PARD3: variants seen among roughly 807,000 people sequenced by gnomAD.
PARD3 encodes the protein partitioning defective 3 homolog.
Under a neutral mutation model 155.4 loss-of-function variants are expected in PARD3, and 75 were observed. The observed-to-expected ratio is 0.48, with a 90% CI of 0.40 to 0.58. The LOEUF is 0.58. Ranked by LOEUF, PARD3 falls within the 20% of genes least tolerant of loss-of-function variation. The pLI is 0.00. For missense variants in PARD3, 1,642 were observed against 1,721.7 expected (o/e 0.95, Z 0.82); for synonymous variants, 576 against 610.5 (o/e 0.94, Z 0.83).
intron 15 of PARD3, chr10:34,346,557 A>T: frequency 8.2e-7 from 1 of 1,220,552 alleles, no homozygotes; most frequent in East Asian, 5.7e-5. Flanking sequence ...CAACAAAAAA[A>T]TAATTTAACA....
At chr10:34,717,383 C>G (rs2094537049) in intron 1 of PARD3, among the ~76,000 whole-genome samples, 1 of 152,160 alleles carries the variant, frequency 6.6e-6, no homozygotes, top group Admixed American at 6.5e-5. Context: ...AACAGCCATT[C>G]CTACCAACAC....
intron 2 of PARD3, among the ~76,000 whole-genome samples, chr10:34,661,982 A>G (rs2093336779): frequency 1.3e-5 from 2 of 152,172 alleles, no homozygotes; most frequent in African/African-American, 2.4e-5. Context: ...TCCTGCATGT[A>G]AGCACCCTGG....
chr10:34,327,040 T>C (rs1019768609), intron 19 of PARD3, among the ~76,000 whole-genome samples: 1 of 152,202 alleles, frequency 6.6e-6, no homozygotes, highest in Non-Finnish European at 1.5e-5. Flanking sequence ...AACTTTTAAT[T>C]ACGAAAAAGT....
At chr10:34,368,675 C>CA (rs1174154214) in intron 12 of PARD3, among the ~76,000 whole-genome samples, 9 of 146,534 alleles carry the variant, frequency 6.1e-5, no homozygotes, top group African/African-American at 7.7e-5. Flanking sequence ...CCATCTCAAA[C>CA]AAAAAAAAAG....
At chr10:34,640,735 A>AAAAAAAAAAAAAAAAAAAAC (rs1396115260) in intron 2 of PARD3, among the ~76,000 whole-genome samples, 1 of 144,688 alleles carries the variant, frequency 6.9e-6, no homozygotes, top group African/African-American at 2.6e-5. Context: ...AAAAAAAAAA[A>AAAAAAAAAAAAAAAAAAAAC]AGCACTTTTA....
At chr10:34,258,209 C>T (rs1954758425) in intron 22 of PARD3, among the ~76,000 whole-genome samples, 1 of 152,144 alleles carries the variant, frequency 6.6e-6, no homozygotes, top group Non-Finnish European at 1.5e-5. Context: ...ATGACATGGT[C>T]ATATTTTGTT....
chr10:34,350,797 A>G (rs973306855), intron 14 of PARD3, among the ~76,000 whole-genome samples: 3 of 152,178 alleles, frequency 2.0e-5, no homozygotes, highest in Non-Finnish European at 4.4e-5. Context: ...TTAGCCCCTC[A>G]GTTCCATCCC....
chr10:34,772,285 C>T (rs1838982222), intron 1 of PARD3, among the ~76,000 whole-genome samples: 1 of 150,928 alleles, frequency 6.6e-6, no homozygotes, highest in African/African-American at 2.4e-5. Flanking sequence ...TTAGCAAGGC[C>T]CCCTGTAATC....
chr10:34,397,708 T>C (rs1237458448), intron 7 of PARD3, among the ~76,000 whole-genome samples: 1 of 152,124 alleles, frequency 6.6e-6, no homozygotes, highest in East Asian at 1.9e-4. Context: ...CACAGTGAGG[T>C]AGAAAATACA....
At chr10:34,419,857 A>T (rs1383815973) in intron 5 of PARD3, among the ~76,000 whole-genome samples, 6 of 152,236 alleles carry the variant, frequency 3.9e-5, no homozygotes, top group Non-Finnish European at 8.8e-5. Flanking sequence ...TAAAACATAC[A>T]AATTACGTAA....
At chr10:34,177,510 G>A (rs1054164444) in intron 22 of PARD3, among the ~76,000 whole-genome samples, 27 of 152,190 alleles carry the variant, frequency 1.8e-4, no homozygotes, top group African/African-American at 6.5e-4. Context: ...CTTAGACAAA[G>A]TAATTAAGAA....
chr10:34,302,484 G>A (rs1234515374), intron 20 of PARD3, among the ~76,000 whole-genome samples: 1 of 152,178 alleles, frequency 6.6e-6, no homozygotes, highest in East Asian at 1.9e-4. Context: ...CACAAGGCTG[G>A]TGAGCATACA....
chr10:34,734,313 T>C (rs1426271321), intron 1 of PARD3, among the ~76,000 whole-genome samples: 1 of 141,552 alleles, frequency 7.1e-6, no homozygotes, highest in Non-Finnish European at 1.5e-5. Flanking sequence ...ATAACAAATA[T>C]ATGGGGCCCT....
At position 34,341,636 on chromosome 10, in the gene PARD3, G is replaced by A. The variant is rs981313640; in HGVS notation, c.2399C>T (p.Ser800Leu). Residue 800 changes from serine (S) to leucine (L), a missense_variant, in exon 16 of 25, where the codon TCA (serine) becomes TTA (leucine). Ser to Leu is a moderately radical substitution (Grantham distance 145). This residue lies in a region of PARD3 where 1,529 missense variants were observed against 1,587.3 expected (regional missense o/e 0.96). Transcript: ENST00000374788. ...GTWAKAAISD[S>L]ADCSLSPDVD... ...TGGACGATGAGCTTACCAGTCGGCT[G>A]AATCACTGATTGCAGCCTTGGCCCA... The A allele has an allele frequency of 6.2e-7, 1 of 1,611,692 alleles. No individual in the cohort carries two copies.
intron 22 of PARD3, among the ~76,000 whole-genome samples, chr10:34,171,479 G>A (rs761228344): frequency 6.6e-6 from 1 of 152,172 alleles, no homozygotes; most frequent in Non-Finnish European, 1.5e-5. Flanking sequence ...AGAAGTAAGA[G>A]AAAGAAATAT....
At chr10:34,306,192 A>G (rs1490340882) in intron 20 of PARD3, among the ~76,000 whole-genome samples, 2 of 139,808 alleles carry the variant, frequency 1.4e-5, no homozygotes, top group African/African-American at 5.0e-5. Context: ...GCTGAGGGAA[A>G]ACTGACTGAA....
intron 4 of PARD3, among the ~76,000 whole-genome samples, chr10:34,465,182 C>T (rs1401209636): frequency 6.6e-6 from 1 of 152,022 alleles, no homozygotes; most frequent in Non-Finnish European, 1.5e-5. Context: ...TGTTGTTGTT[C>T]CAAATATTTT....
chr10:34,552,924 A>AT (rs1293151897), intron 2 of PARD3, among the ~76,000 whole-genome samples: 1 of 152,210 alleles, frequency 6.6e-6, no homozygotes, highest in Non-Finnish European at 1.5e-5. Flanking sequence ...CCAACCTAAT[A>AT]TAACAGTAAC....
At chr10:34,760,198 AGC>A (rs1837270246) in intron 1 of PARD3, among the ~76,000 whole-genome samples, 1 of 124,534 alleles carries the variant, frequency 8.0e-6, no homozygotes, top group Admixed American at 8.1e-5. Flanking sequence ...GGGACAGCGC[AGC>A]GGTGTAGAAA....
Sources: gnomAD v4.1 joint callset for allele counts (sites outside exome capture counted in the v4.1 genomes callset) on GRCh38, gnomAD v4.1.1 for gene constraint, gnomAD v4.1.1 regional missense constraint, MANE v1.5 for transcripts, NCBI Gene and HGNC (gene_info 2026-07-23, HGNC 2026-07-21) for gene names.